Variants in MCF2L observed in about 807,000 individuals in gnomAD.
MCF2L encodes the protein MCF.2 cell line derived transforming sequence like, also known as guanine nucleotide exchange factor DBS.
In MCF2L, 97 loss-of-function variants were observed where a neutral mutation model predicts 153.4. The ratio of observed to expected loss-of-function variants is 0.63; its 90% CI spans 0.54 to 0.75. The LOEUF (loss-of-function observed/expected upper bound fraction) is 0.75. Ranked by LOEUF, MCF2L falls within the 30% of genes least tolerant of loss-of-function variation. MCF2L has a pLI of 0.00. For synonymous variants in MCF2L, 659 were observed against 632.2 expected (o/e 1.04, Z -0.64); for missense variants, 1,347 against 1,495.2 (o/e 0.90, Z 1.64).
In MCF2L at chr13:113,074,036, T is replaced by C. The variant is rs2033181413; in HGVS notation, c.997-408T>C. The stretch of plus-strand genomic sequence containing the variant: ...GCAAGCTAGAAGGGACTGAGTTACA[T>C]AACTCTCCACACCTAGGATCCAGTA... On this transcript the variant is annotated intron_variant, in intron 9 of 29. Coordinates refer to ENST00000535094, the MANE Select transcript of MCF2L (RefSeq NM_001112732.3). The surrounding 1 kb of genome is among the most constrained non-coding windows in gnomAD (Gnocchi z 4.2). Among the ~76,000 whole-genome samples the C allele has an allele frequency of 6.6e-6, 1 of 152,222 alleles. No homozygotes were observed. Among genetic ancestry groups the C allele is most frequent in the South Asian group, 2.1e-4 (1 of 4,834 alleles).
At chr13:113,055,140 G>T (rs1373306950) in intron 4 of MCF2L, among the ~76,000 whole-genome samples, 2 of 152,108 alleles carry the variant, frequency 1.3e-5, no homozygotes, top group African/African-American at 4.8e-5. Context: ...TTTATTCAAA[G>T]TATGTGTTTG....
intron 4 of MCF2L, among the ~76,000 whole-genome samples, chr13:113,049,791 C>T (rs545832947): frequency 1.3e-5 from 2 of 152,316 alleles, no homozygotes; most frequent in South Asian, 4.1e-4. Context: ...TGCCGGGATC[C>T]GGGGCTATTT....
At chr13:113,009,270 G>A (rs1206184075) in intron 1 of MCF2L, 1 of 152,184 alleles carries the variant, frequency 6.6e-6, no homozygotes, top group East Asian at 1.9e-4. Flanking sequence ...TTTCTGGCAG[G>A]GCCTTGTATT....
intron 1 of MCF2L, chr13:112,894,446 G>A (rs966523402): frequency 3.3e-5 from 5 of 151,440 alleles, no homozygotes; most frequent in African/African-American, 1.2e-4. Context: ...GCGCGGGGCG[G>A]GGGCCTGGAG....
At chr13:113,055,862 C>T (rs1364807842) in intron 4 of MCF2L, among the ~76,000 whole-genome samples, 2 of 151,986 alleles carry the variant, frequency 1.3e-5, no homozygotes, top group Non-Finnish European at 2.9e-5. Context: ...GCAGAGAGGG[C>T]GCAGATGCAG....
At chr13:112,937,064 T>A (rs1438361015) in intron 2 of MCF2L, among the ~76,000 whole-genome samples, 1 of 152,200 alleles carries the variant, frequency 6.6e-6, no homozygotes, top group African/African-American at 2.4e-5. Context: ...ATTTTTTTAT[T>A]TATTTTTGAG....
rs927085332 is a variant in MCF2L at position 112,979,823 on chromosome 13, C to G, written c.79+10365C>G. ...TGTGTCCCCTCTGCAGGTGTCCTCT[C>G]TGCGGGCAGGTGCCTCCCTGGGGTA... On this transcript the variant is annotated intron_variant, in intron 1 of 29. Transcript: ENST00000535094. 6 of 1,475,552 alleles carry G rather than the reference C, an allele frequency of 4.1e-6. No individual in the cohort carries two copies. In the African/African-American group the frequency reaches 8.4e-5, roughly 21 times the overall value. The allele number at this position is 1,475,552 out of a possible 1,614,324, so 91.4% of individuals were successfully genotyped here. A position where few individuals can be genotyped will look rare whatever the true frequency, so the allele number is the denominator to read the frequency against.
Position 112,969,646 on chromosome 13 carries a change from C to T in MCF2L, c.79+188C>T, listed in dbSNP as rs556964257. On this transcript the variant is annotated intron_variant, in intron 1 of 29. Coordinates refer to ENST00000535094, the MANE Select transcript of MCF2L (RefSeq NM_001112732.3). This position sits in a 1 kb window ranked among gnomAD's most constrained non-coding sequence, Gnocchi z 4.8. The stretch of plus-strand genomic sequence containing the variant: ...AGGCTGTCGGCGATCGTATGCTGCC[C>T]GGGATAGTCAAAATGACTGCACGTT... 5.2e-6 allele frequency: 3 copies of T among 571,690 alleles called. 1 individual carries two copies. The highest frequency in any genetic ancestry group is 1.5e-4 in the South Asian group (2 of 13,210). The allele number at this position is 571,690 out of a possible 1,614,324, so 35.4% of individuals were successfully genotyped here.
intron 26 of MCF2L, chr13:113,091,103 C>T: frequency 4.6e-6 from 6 of 1,302,850 alleles, no homozygotes; most frequent in African/African-American, 1.5e-5. Flanking sequence ...GTATTTCTGC[C>T]TCCTCCTCCT....
chr13:113,024,926 C>A lies in MCF2L; in HGVS notation c.278+168C>A, dbSNP rs562563728. Reference sequence around the variant, plus strand: ...TCGGGGCAGAGTCCCTGTGAGATTTCCCCATCATGCGGTCCCCGTGACTGT... The same window carrying A: ...TCGGGGCAGAGTCCCTGTGAGATTTACCCATCATGCGGTCCCCGTGACTGT... On this transcript the variant is annotated intron_variant, in intron 3 of 29. Transcript: ENST00000535094. 1.6e-4 allele frequency: 97 copies of A among 608,016 alleles called. 2 individuals carry two copies. In the South Asian group the frequency reaches 1.8e-3, roughly 11 times the overall value. The allele number at this position is 608,016 out of a possible 1,614,324, so 37.7% of individuals were successfully genotyped here.
At chr13:113,083,857 C>G in intron 17 of MCF2L, 141 bp from the exon 18 acceptor site, 1 of 700,752 alleles carries the variant, frequency 1.4e-6, no homozygotes, top group Non-Finnish European at 2.6e-6. Context: ...ACAGGCGTGG[C>G]TGCGGCGTCT....
At chr13:112,996,413 C>T (rs2083133758) in intron 1 of MCF2L, among the ~76,000 whole-genome samples, 1 of 152,180 alleles carries the variant, frequency 6.6e-6, no homozygotes, top group African/African-American at 2.4e-5. Flanking sequence ...GTAGTGACCC[C>T]GACACGCCAG....
intron 1 of MCF2L, among the ~76,000 whole-genome samples, chr13:112,981,932 TGGA>T (rs2082445116): frequency 6.6e-6 from 1 of 152,076 alleles, no homozygotes; most frequent in Non-Finnish European, 1.5e-5. Context: ...GATTGGAAGG[TGGA>T]GGAGTCACAG....
chr13:112,938,926 C>A (rs1213812420), intron 2 of MCF2L, among the ~76,000 whole-genome samples: 2 of 152,184 alleles, frequency 1.3e-5, no homozygotes, highest in Non-Finnish European at 2.9e-5. Flanking sequence ...GGGGGCCAGG[C>A]AGGTTCTTCC....
At chr13:113,029,625 C>G (rs2085520008) in intron 3 of MCF2L, among the ~76,000 whole-genome samples, 1 of 152,202 alleles carries the variant, frequency 6.6e-6, no homozygotes, top group Admixed American at 6.5e-5. Flanking sequence ...GGGAAGTACC[C>G]TCTGCGGGGG....
intron 2 of MCF2L, among the ~76,000 whole-genome samples, chr13:112,962,916 T>A (rs1395624038): frequency 4.6e-5 from 7 of 152,188 alleles, no homozygotes; most frequent in Non-Finnish European, 1.0e-4. Context: ...AAGAATCCCG[T>A]AGGTACCCAC....
rs193283454 is a variant in MCF2L, at chr13:113,002,932, G to A, written c.80-11831G>A. ...GCCTGTAATCCCAGCACTTTGGGAG[G>A]CCAAGGCTAGAGGATCGCTTGAGCC... On this transcript the variant is annotated intron_variant, in intron 1 of 29. Transcript: ENST00000535094. Among the ~76,000 whole-genome samples, 39 of 152,068 alleles carry A rather than the reference G, an allele frequency of 2.6e-4. No individual in the cohort carries two copies. The East Asian group carries it at 5.8e-3, about 23-fold the overall frequency.
At chr13:113,026,725 C>T in intron 3 of MCF2L, 1 of 591,168 alleles carries the variant, frequency 1.7e-6, no homozygotes, top group Non-Finnish European at 3.0e-6. Context: ...CCTGCCCTTT[C>T]CAGGAAAGAA....
chr13:112,947,955 T>C (rs2081654504), intron 2 of MCF2L, among the ~76,000 whole-genome samples: 1 of 152,200 alleles, frequency 6.6e-6, no homozygotes, highest in South Asian at 2.1e-4. Context: ...TTGCACTCTG[T>C]GTGCCTGCAG....
Sources: allele counts gnomAD v4.1 joint callset (sites outside exome capture counted in the v4.1 genomes callset), GRCh38; gene constraint gnomAD v4.1.1; non-coding constraint Gnocchi (gnomAD v3.1); transcripts MANE v1.5; gene names NCBI Gene and HGNC (gene_info 2026-07-23, HGNC 2026-07-21).